The following PCDHGA6 variants were observed in gnomAD, a reference collection of about 807,000 sequenced individuals.
The protein encoded by PCDHGA6 is protocadherin gamma subfamily A, 6, also known as protocadherin gamma-A6.
PCDHGA6 carries 41 observed loss-of-function variants against 60.6 expected under a neutral mutation model. The ratio of observed to expected loss-of-function variants is 0.68; its 90% CI spans 0.53 to 0.88. The LOEUF (loss-of-function observed/expected upper bound fraction) is 0.88. Among genes scored for constraint, PCDHGA6 ranks in the 40% least tolerant of loss-of-function variants. The probability of loss-of-function intolerance (pLI) is 0.00; values close to 1 mark genes in which losing one functional copy is unlikely to be tolerated. For missense variants in PCDHGA6, 1,312 were observed against 1,203.0 expected (o/e 1.09, Z -1.34); for synonymous variants, 594 against 524.4 (o/e 1.13, Z -1.81).
At position 141,491,137 on chromosome 5, in the gene PCDHGA6, GC is replaced by G. The variant is rs1373404184; in HGVS notation, c.2425-3668del. ...CACTGGTGAGGTGCGCACAGCCCGG[GC>G]CTTACTGGAGGATGACTCTGACACC... On this transcript the variant is annotated intron_variant, in intron 1 of 3. Transcript: ENST00000517434. This position sits in a 1 kb window ranked among gnomAD's most constrained non-coding sequence, Gnocchi z 6.9. The G allele has an allele frequency of 1.2e-6, 2 of 1,614,156 alleles. No individual in the cohort carries two copies. Among genetic ancestry groups the G allele is most frequent in the Non-Finnish European group, 1.7e-6 (2 of 1,180,008 alleles).
intron 3 of PCDHGA6, among the ~76,000 whole-genome samples, chr5:141,509,277 T>TC (rs566266970): frequency 0.011 from 1,653 of 152,240 alleles, 22 homozygotes; most frequent in Non-Finnish European, 0.018. Context: ...CGCTACCCGC[T>TC]CCCAGGGTCC....
chr5:141,443,064 G>A (rs76234738), intron 1 of PCDHGA6, among the ~76,000 whole-genome samples: 48 of 152,264 alleles, frequency 3.2e-4, no homozygotes, highest in African/African-American at 1.1e-3. Context: ...ACTGAAGAGC[G>A]TCTTATGACT....
In PCDHGA6 at chr5:141,512,903, C is replaced by G. The variant is rs2099884492; in HGVS notation, c.*1730C>G. On this transcript the variant is annotated 3_prime_UTR_variant, in exon 4 of 4. Coordinates refer to ENST00000517434, the MANE Select transcript of PCDHGA6 (RefSeq NM_018919.3). ...CCCCACCCTCTTCCTGTGTCTCACG[C>G]AAGTTTTATACTCTAATATTTATAT... 6.6e-6 allele frequency: 1 copy of G among 152,224 alleles called. No homozygotes were observed. Among genetic ancestry groups the G allele is most frequent in the African/African-American group, 2.4e-5 (1 of 41,452 alleles). 9.4% of individuals were successfully genotyped at this position (152,224 alleles called of 1,614,324 possible).
chr5:141,433,001 G>T, intron 1 of PCDHGA6: 1 of 1,614,156 alleles, frequency 6.2e-7, no homozygotes, highest in African/African-American at 1.3e-5. Flanking sequence ...CGGGGTGCAG[G>T]CTTTCCTGCA....
chr5:141,443,104 C>A (rs950011995), intron 1 of PCDHGA6, among the ~76,000 whole-genome samples: 1 of 151,854 alleles, frequency 6.6e-6, no homozygotes, highest in East Asian at 1.9e-4. Flanking sequence ...TCAAGCTGAA[C>A]CTTGCTTTTC....
At chr5:141,421,513 C>T (rs368199651) in intron 1 of PCDHGA6, 14 of 1,613,960 alleles carry the variant, frequency 8.7e-6, no homozygotes, top group Non-Finnish European at 1.1e-5. Context: ...CCGGGAGGAG[C>T]TCTGTGAGAC....
At chr5:141,404,759 T>G (rs1466446291) in intron 1 of PCDHGA6, 1 of 1,613,632 alleles carries the variant, frequency 6.2e-7, no homozygotes, top group Admixed American at 1.7e-5. Flanking sequence ...CCAGAATGCT[T>G]GGCTCTCCTA....
chr5:141,381,826 C>CTTTTTTTTTTTTTTTTTTTTTTTTTTTT (rs770630741), intron 1 of PCDHGA6, among the ~76,000 whole-genome samples: 17 of 74,292 alleles, frequency 2.3e-4, no homozygotes, highest in Non-Finnish European at 3.3e-4. Context: ...CTTTCTTCTT[C>CTTTTTTTTTTTTTTTTTTTTTTTTTTTT]TTTTTTTTTT....
chr5:141,397,862 G>A (rs956658469), intron 1 of PCDHGA6: 5 of 566,952 alleles, frequency 8.8e-6, no homozygotes, highest in African/African-American at 7.5e-5. Flanking sequence ...TAGTTTCCTA[G>A]TGCTGACTCT....
chr5:141,492,320 G>T (rs1001784912), intron 1 of PCDHGA6, among the ~76,000 whole-genome samples: 1 of 152,206 alleles, frequency 6.6e-6, no homozygotes, highest in Non-Finnish European at 1.5e-5. Context: ...CTCCTCGCAC[G>T]TGGGCTTACG....
chr5:141,417,874 C>A (rs768197455), intron 1 of PCDHGA6: 2 of 1,555,202 alleles, frequency 1.3e-6, no homozygotes, highest in African/African-American at 2.7e-5. Context: ...GAGGGAGCTG[C>A]GCGCAGAGGC....
At chr5:141,388,115 G>C (rs747417828) in intron 1 of PCDHGA6, 1 of 1,410,070 alleles carries the variant, frequency 7.1e-7, no homozygotes. Flanking sequence ...ACTTCACCGT[G>C]AGCGCAGAGA....
chr5:141,420,683 G>A (rs1308504595), intron 1 of PCDHGA6, among the ~76,000 whole-genome samples: 1 of 152,190 alleles, frequency 6.6e-6, no homozygotes, highest in Non-Finnish European at 1.5e-5. Context: ...ATTTTATCGG[G>A]ACCGTATTAT....
rs758139838 is a variant in PCDHGA6, at chr5:141,431,419, G to C, written c.2424+54912G>C. The C allele has an allele frequency of 1.5e-5, 25 of 1,613,700 alleles. No individual in the cohort carries two copies. The highest frequency in any genetic ancestry group is 2.0e-5 in the Non-Finnish European group (24 of 1,180,046). On this transcript the variant is annotated intron_variant, in intron 1 of 3. Coordinates refer to ENST00000517434, the MANE Select transcript of PCDHGA6 (RefSeq NM_018919.3). This position sits in a 1 kb window ranked among gnomAD's most constrained non-coding sequence, Gnocchi z 4.8. ...TTACGGCCTCCGACGGGGGCGACCC[G>C]GTGCGCACAGGCACCGCGCGCATCC... is the stretch of plus-strand genomic sequence containing the variant.
rs1255326344 is a variant in PCDHGA6, at chr5:141,431,636, A to G, written c.2424+55129A>G. 6.2e-7 allele frequency: 1 copy of G among 1,614,254 alleles called. No homozygotes were observed. ...GGACGACAAGGCGGCCCAAGTTTTC[A>G]AACTAGATTGTAATTCAGGGACAAT... On this transcript the variant is annotated intron_variant, in intron 1 of 3. Transcript: ENST00000517434. This position sits in a 1 kb window ranked among gnomAD's most constrained non-coding sequence, Gnocchi z 4.8.
chr5:141,387,388 T>C (rs1323763140), intron 1 of PCDHGA6, among the ~76,000 whole-genome samples: 3 of 152,196 alleles, frequency 2.0e-5, no homozygotes, highest in Non-Finnish European at 2.9e-5. Flanking sequence ...ATATAGATAG[T>C]GCATGTTTGA....
chr5:141,512,262 C>G lies in PCDHGA6; in HGVS notation c.*1089C>G, dbSNP rs925517361. On this transcript the variant is annotated 3_prime_UTR_variant, in exon 4 of 4. Transcript: ENST00000517434. ...GAGGGGCCTCTGTGGGTGCTGGGTA[C>G]TCCAGAGGTGCCACTGGTGGAAGGG... 1 of 152,712 alleles carries G rather than the reference C, an allele frequency of 6.5e-6. No homozygotes were observed. The highest frequency in any genetic ancestry group is 2.4e-5 in the African/African-American group (1 of 41,452). 9.5% of individuals were successfully genotyped at this position (152,712 alleles called of 1,614,324 possible).
At chr5:141,418,742 G>GA in intron 1 of PCDHGA6, 1 of 1,613,896 alleles carries the variant, frequency 6.2e-7, no homozygotes, top group Non-Finnish European at 8.5e-7. Flanking sequence ...GTTCTCTCTG[G>GA]ATTACACTAC....
intron 1 of PCDHGA6, chr5:141,415,317 G>T (rs778236674): frequency 6.2e-7 from 1 of 1,614,218 alleles, no homozygotes; most frequent in Non-Finnish European, 8.5e-7. Flanking sequence ...TCGTCATCGT[G>T]CTGCTGGCGC....
Sources: gnomAD v4.1 joint callset for allele counts (sites outside exome capture counted in the v4.1 genomes callset) on GRCh38, gnomAD v4.1.1 for gene constraint, Gnocchi (gnomAD v3.1) non-coding constraint, MANE v1.5 for transcripts, NCBI Gene and HGNC (gene_info 2026-07-23, HGNC 2026-07-21) for gene names.